Variants in ZNF385B observed in about 807,000 individuals in gnomAD.
ZNF385B encodes the protein zinc finger protein 533.
ZNF385B carries 23 observed loss-of-function variants against 39.2 expected under a neutral mutation model. The ratio of observed to expected loss-of-function variants is 0.59; its 90% CI spans 0.42 to 0.83. The LOEUF (loss-of-function observed/expected upper bound fraction) is 0.83. Among genes scored for constraint, ZNF385B ranks in the 40% least tolerant of loss-of-function variants. The pLI is 0.00. For missense variants in ZNF385B, 552 were observed against 598.9 expected, an observed-to-expected ratio of 0.92 and a Z score of 0.82; for synonymous variants, 205 against 222.6, an observed-to-expected ratio of 0.92 and a Z score of 0.70.
intron 3 of ZNF385B, among the ~76,000 whole-genome samples, chr2:179,552,010 C>A: frequency 7.1e-6 from 1 of 140,108 alleles, no homozygotes; most frequent in East Asian, 1.9e-4. Context: ...TCATCTATAG[C>A]TATGAAACCA....
intron 4 of ZNF385B, chr2:179,522,951 T>C (rs1250466316): frequency 2.5e-6 from 1 of 399,422 alleles, no homozygotes; most frequent in Non-Finnish European, 5.1e-6. Flanking sequence ...AGCAGTCATC[T>C]GGAATTTTGA....
intron 3 of ZNF385B, among the ~76,000 whole-genome samples, chr2:179,618,754 C>T (rs4894114): frequency 0.22 from 33,315 of 152,038 alleles, 3,827 homozygotes; most frequent in South Asian, 0.3. Context: ...CACTAAACTT[C>T]GCTTTGCTTG....
At chr2:179,789,347 G>T (rs1461842431) in intron 1 of ZNF385B, among the ~76,000 whole-genome samples, 1 of 152,164 alleles carries the variant, frequency 6.6e-6, no homozygotes, top group East Asian at 1.9e-4. Flanking sequence ...AGAACAGCAT[G>T]CATAGAATTT....
chr2:179,762,574 G>C (rs4603724), intron 3 of ZNF385B, among the ~76,000 whole-genome samples: 76,807 of 151,990 alleles, frequency 0.51, 19,847 homozygotes, highest in East Asian at 0.59. Context: ...TAATTCTTTT[G>C]ATACATTGCT....
intron 3 of ZNF385B, among the ~76,000 whole-genome samples, chr2:179,764,501 T>C (rs953285531): frequency 2.0e-5 from 3 of 152,136 alleles, no homozygotes; most frequent in Admixed American, 2.0e-4. Flanking sequence ...GTTTTTTCCT[T>C]TGCTTCTTGG....
intron 3 of ZNF385B, among the ~76,000 whole-genome samples, chr2:179,552,500 C>T (rs1231689817): frequency 6.7e-6 from 1 of 149,198 alleles, no homozygotes; most frequent in Admixed American, 6.7e-5. Flanking sequence ...TATAGAACTC[C>T]AAAAGATTTC....
chr2:179,443,477 G>T lies in ZNF385B; in HGVS notation c.1243-9C>A. 1 of 1,580,606 alleles carries T rather than the reference G, an allele frequency of 6.3e-7. No homozygotes were observed. Among genetic ancestry groups the T allele is most frequent in the Admixed American group, 1.8e-5 (1 of 54,308 alleles). On this transcript the variant is annotated splice_polypyrimidine_tract_variant and intron_variant, in intron 9 of 9. Transcript: ENST00000410066. Reference sequence around the variant, plus strand: ...TGGAATGCAAGTTTTGCCTAAGGGAGGGAGAAAACCAGGAATGGGGTGGAG... The same window carrying T: ...TGGAATGCAAGTTTTGCCTAAGGGATGGAGAAAACCAGGAATGGGGTGGAG...
intron 4 of ZNF385B, among the ~76,000 whole-genome samples, chr2:179,523,659 A>G (rs2058668323): frequency 6.6e-6 from 1 of 152,176 alleles, no homozygotes; most frequent in South Asian, 2.1e-4. Context: ...AAGAGGCATG[A>G]AATTTGAGTT....
intron 3 of ZNF385B, among the ~76,000 whole-genome samples, chr2:179,724,912 T>A (rs901010665): frequency 3.3e-5 from 5 of 152,184 alleles, no homozygotes; most frequent in African/African-American, 1.2e-4. Context: ...AAGATTTTTA[T>A]AATTTAAACC....
intron 1 of ZNF385B, among the ~76,000 whole-genome samples, chr2:179,842,750 A>G (rs981331627): frequency 6.6e-6 from 1 of 152,132 alleles, no homozygotes; most frequent in Non-Finnish European, 1.5e-5. Context: ...AGTCACTGGT[A>G]GAGTCCATGT....
At chr2:179,598,250 C>T (rs931492069) in intron 3 of ZNF385B, among the ~76,000 whole-genome samples, 4 of 152,080 alleles carry the variant, frequency 2.6e-5, no homozygotes, top group Admixed American at 6.6e-5. Flanking sequence ...ATTCCTGAGA[C>T]GACTCAACTG....
At chr2:179,612,066 T>C (rs1689333000) in intron 3 of ZNF385B, among the ~76,000 whole-genome samples, 2 of 152,196 alleles carry the variant, frequency 1.3e-5, no homozygotes, top group Non-Finnish European at 2.9e-5. Flanking sequence ...AATTTCTGAT[T>C]CTTAATCATT....
chr2:179,587,200 T>C (rs575349735), intron 3 of ZNF385B, among the ~76,000 whole-genome samples: 1 of 152,316 alleles, frequency 6.6e-6, no homozygotes, highest in East Asian at 1.9e-4. Context: ...CAAACTAATA[T>C]GTTACCACAT....
chr2:179,625,995 A>G (rs3112965), intron 3 of ZNF385B, among the ~76,000 whole-genome samples: 97,574 of 151,660 alleles, frequency 0.64, 31,520 homozygotes, highest in Admixed American at 0.72. Context: ...AAGGATGTAT[A>G]GATCACAAAA....
At chr2:179,516,709 A>G (rs2058112435) in intron 5 of ZNF385B, among the ~76,000 whole-genome samples, 1 of 151,950 alleles carries the variant, frequency 6.6e-6, no homozygotes, top group Non-Finnish European at 1.5e-5. Flanking sequence ...TTGTTTTTTC[A>G]TTTTCTGAAC....
intron 4 of ZNF385B, among the ~76,000 whole-genome samples, chr2:179,540,698 A>C (rs2059868649): frequency 6.6e-6 from 1 of 152,162 alleles, no homozygotes; most frequent in African/African-American, 2.4e-5. Flanking sequence ...ATCATACTAA[A>C]ATGAATAAGA....
intron 3 of ZNF385B, among the ~76,000 whole-genome samples, chr2:179,721,777 A>G (rs1700712893): frequency 6.6e-6 from 1 of 152,220 alleles, no homozygotes; most frequent in Middle Eastern, 3.4e-3. Context: ...ACTTGAAAGT[A>G]TTCCCTATAA....
At chr2:179,719,032 A>G (rs1355299963) in intron 3 of ZNF385B, among the ~76,000 whole-genome samples, 1 of 151,834 alleles carries the variant, frequency 6.6e-6, no homozygotes, top group Non-Finnish European at 1.5e-5. Flanking sequence ...CTCACAAGCC[A>G]GCTTATCATG....
At chr2:179,561,421 G>C (rs1011412585) in intron 3 of ZNF385B, among the ~76,000 whole-genome samples, 5 of 151,948 alleles carry the variant, frequency 3.3e-5, no homozygotes, top group African/African-American at 1.2e-4. Context: ...TTCATTTTTT[G>C]CAAGTCCACT....
Sources: allele counts gnomAD v4.1 joint callset (sites outside exome capture counted in the v4.1 genomes callset), GRCh38; gene constraint gnomAD v4.1.1; transcripts MANE v1.5; gene names NCBI Gene and HGNC (gene_info 2026-07-23, HGNC 2026-07-21).